The following DNMT3A variants were observed in gnomAD, a reference collection of about 807,000 sequenced individuals.
DNMT3A encodes DNA (cytosine-5)-methyltransferase 3A.
Under a neutral mutation model 117.6 loss-of-function variants are expected in DNMT3A, and 267 were observed. That is an observed-to-expected ratio of 2.27 (90% CI 2.05 to 2.51). The LOEUF is 2.51. DNMT3A is among the 30% of genes most tolerant of loss of function. DNMT3A has a pLI of 0.00. For synonymous variants in DNMT3A, 432 were observed against 474.8 expected, an observed-to-expected ratio of 0.91 and a Z score of 1.17; for missense variants, 1,029 against 1,260.2, an observed-to-expected ratio of 0.82 and a Z score of 2.78.
intron 1 of DNMT3A, among the ~76,000 whole-genome samples, chr2:25,315,530 C>T (rs1466113342): frequency 2.0e-5 from 3 of 152,224 alleles, no homozygotes; most frequent in Non-Finnish European, 4.4e-5. Flanking sequence ...GGTTTGCTGC[C>T]CGGGTCCCGA....
At position 25,247,676 on chromosome 2, in the gene DNMT3A, A is replaced by T. The variant is rs587777508; in HGVS notation, c.929T>A (p.Ile310Asn). Residue 310 changes from isoleucine to asparagine, a missense_variant, in exon 8 of 23, where the codon ATT becomes AAT. Transcript: ENST00000321117. The surrounding 1 kb of genome is among the most constrained non-coding windows in gnomAD (Gnocchi z 5.6). ...CCGGCCCGTCATCCACCAAGACACA[A>T]TGCGGCCTGGCCACCAGGAGAAGCC... ...LRGFSWWPGR[I>N]VSWWMTGRSR... 1.9e-6 allele frequency: 3 copies of T among 1,613,814 alleles called. No homozygotes were observed. Among genetic ancestry groups the T allele is most frequent in the Non-Finnish European group, 2.5e-6 (3 of 1,179,984 alleles).
intron 2 of DNMT3A, among the ~76,000 whole-genome samples, chr2:25,301,414 G>A (rs531209595): frequency 2.0e-5 from 3 of 152,278 alleles, no homozygotes; most frequent in East Asian, 1.9e-4. Flanking sequence ...CTGGCACCGC[G>A]CATGCCTGTC....
At position 25,229,123 on chromosome 2, in the gene DNMT3A, T is replaced by A. The variant is rs1019064398; in HGVS notation, c.*5156A>T. ...CCACCAAAGGCCCACCTTAGCTGGG[T>A]CTCGGAAACACAGAGGCAAGGTTCC... On this transcript the variant is annotated 3_prime_UTR_variant, in exon 23 of 23. Coordinates refer to ENST00000321117, the MANE Select transcript of DNMT3A (RefSeq NM_022552.5). 1 of 152,154 alleles carries A rather than the reference T, an allele frequency of 6.6e-6. No individual in the cohort carries two copies. The highest frequency in any genetic ancestry group is 2.4e-5 in the African/African-American group (1 of 41,396). The allele number at this position is 152,154 out of a possible 1,614,324, so 9.4% of individuals were successfully genotyped here.
At chr2:25,259,145 G>C (rs1384224602) in intron 6 of DNMT3A, among the ~76,000 whole-genome samples, 1 of 152,220 alleles carries the variant, frequency 6.6e-6, no homozygotes, top group African/African-American at 2.4e-5. Flanking sequence ...AGCTTTGGTG[G>C]CTGCCTTCCC....
At chr2:25,260,153 C>T (rs1019599021) in intron 6 of DNMT3A, among the ~76,000 whole-genome samples, 1 of 152,176 alleles carries the variant, frequency 6.6e-6, no homozygotes, top group Non-Finnish European at 1.5e-5. Flanking sequence ...TGTAGAGAGA[C>T]CCCCGCCGCC....
Position 25,257,615 on chromosome 2 carries a change from A to G in DNMT3A, c.640-9363T>C, listed in dbSNP as rs1292902832. Among the ~76,000 whole-genome samples, 2 of 152,134 alleles carry G rather than the reference A, an allele frequency of 1.3e-5. No individual in the cohort carries two copies. The highest frequency in any genetic ancestry group is 4.8e-5 in the African/African-American group (2 of 41,422). On this transcript the variant is annotated intron_variant, in intron 6 of 22. Transcript: ENST00000321117. The surrounding 1 kb of genome is among the most constrained non-coding windows in gnomAD (Gnocchi z 4.8). ...CCTGGAAGCCCGGAGAGGCCAGTCA[A>G]TCCTTAGCACAGGCAGAACTTCCTT... is the stretch of plus-strand genomic sequence containing the variant.
At chr2:25,292,107 A>T (rs2032802823) in intron 3 of DNMT3A, among the ~76,000 whole-genome samples, 1 of 152,080 alleles carries the variant, frequency 6.6e-6, no homozygotes, top group African/African-American at 2.4e-5. Flanking sequence ...ATACAAAAAA[A>T]ATGGCCTTTG....
At chr2:25,328,351 C>T (rs2034866321) in intron 1 of DNMT3A, among the ~76,000 whole-genome samples, 2 of 152,110 alleles carry the variant, frequency 1.3e-5, no homozygotes, top group African/African-American at 4.8e-5. Context: ...TGCATCATTC[C>T]AGGCCCGGCT....
In DNMT3A at chr2:25,304,463, G is replaced by T. The variant is rs2033680650; in HGVS notation, c.73-4220C>A. On this transcript the variant is annotated intron_variant, in intron 2 of 22. Coordinates refer to ENST00000321117, the MANE Select transcript of DNMT3A (RefSeq NM_022552.5). The surrounding 1 kb of genome is among the most constrained non-coding windows in gnomAD (Gnocchi z 4.3). ...CTCCCCATCCCCCTCTCCCTGCCTC[G>T]TGCAAATCCCAGCACGCCGCCCACC... Among the ~76,000 whole-genome samples, 1 of 151,942 alleles carries T rather than the reference G, an allele frequency of 6.6e-6. No individual in the cohort carries two copies. The highest frequency in any genetic ancestry group is 1.5e-5 in the Non-Finnish European group (1 of 68,002).
chr2:25,249,510 G>A, intron 6 of DNMT3A: 2 of 905,680 alleles, frequency 2.2e-6, no homozygotes, highest in Non-Finnish European at 3.5e-6. Flanking sequence ...CCTTCTATGT[G>A]CACCCTTCAG....
At position 25,282,310 on chromosome 2, in the gene DNMT3A, T is replaced by C. The variant is rs1461080710; in HGVS notation, c.448+131A>G. ...CATCCAGCCAGTAGCCTCCAGGCCATAGCCTTGGCAAGCAGACCTTTAGCC... is the reference window on the plus strand; with the variant it reads ...CATCCAGCCAGTAGCCTCCAGGCCACAGCCTTGGCAAGCAGACCTTTAGCC... On this transcript the variant is annotated intron_variant, in intron 4 of 22. Coordinates refer to ENST00000321117, the MANE Select transcript of DNMT3A (RefSeq NM_022552.5). The surrounding 1 kb of genome is among the most constrained non-coding windows in gnomAD (Gnocchi z 5.2). 6.7e-7 allele frequency: 1 copy of C among 1,487,290 alleles called. No individual in the cohort carries two copies. Among genetic ancestry groups the C allele is most frequent in the Non-Finnish European group, 9.0e-7 (1 of 1,112,858 alleles). 92.1% of individuals were successfully genotyped at this position (1,487,290 alleles called of 1,614,324 possible). A position where few individuals can be genotyped will look rare whatever the true frequency, so the allele number is the denominator to read the frequency against.
rs1261508405 is a variant in DNMT3A, at chr2:25,281,009, A to T, written c.448+1432T>A. Among the ~76,000 whole-genome samples the T allele has an allele frequency of 1.3e-5, 2 of 152,146 alleles. No homozygotes were observed. Among genetic ancestry groups the T allele is most frequent in the Admixed American group, 1.3e-4 (2 of 15,280 alleles). ...GCCCATGGGAAGCACCACATTTGGA[A>T]GGGCAGGGCTGATGGGTTCTCTCAC... On this transcript the variant is annotated intron_variant, in intron 4 of 22. Coordinates refer to ENST00000321117, the MANE Select transcript of DNMT3A (RefSeq NM_022552.5). This position sits in a 1 kb window ranked among gnomAD's most constrained non-coding sequence, Gnocchi z 4.8.
rs1558719957 is a variant in DNMT3A at position 25,298,183 on chromosome 2, G to A, written c.177+1956C>T. 6.6e-6 allele frequency among the ~76,000 whole-genome samples: 1 copy of A among 152,214 alleles called. No individual in the cohort carries two copies. The highest frequency in any genetic ancestry group is 1.5e-5 in the Non-Finnish European group (1 of 68,032). ...CAAGGTTACACAGGTGGTCAGTGGT[G>A]GAGCCAGAATTTGAACTCAGGTCTC... On this transcript the variant is annotated intron_variant, in intron 3 of 22. Coordinates refer to ENST00000321117, the MANE Select transcript of DNMT3A (RefSeq NM_022552.5). This position sits in a 1 kb window ranked among gnomAD's most constrained non-coding sequence, Gnocchi z 4.3.
intron 3 of DNMT3A, among the ~76,000 whole-genome samples, chr2:25,295,899 G>A (rs769527560): frequency 1.3e-5 from 2 of 152,222 alleles, no homozygotes; most frequent in Admixed American, 6.5e-5. Context: ...GGCAAACTCA[G>A]TGTGGCACAG....
chr2:25,275,163 A>C, intron 5 of DNMT3A, 76 bp from the exon 6 acceptor site: 2 of 1,466,816 alleles, frequency 1.4e-6, no homozygotes, highest in Non-Finnish European at 1.8e-6. Flanking sequence ...CGCCTCAAAC[A>C]CAATGTGGAC....
At chr2:25,264,222 C>T (rs973545745) in intron 6 of DNMT3A, among the ~76,000 whole-genome samples, 1 of 138,528 alleles carries the variant, frequency 7.2e-6, no homozygotes, top group Non-Finnish European at 1.5e-5. Flanking sequence ...TCACTGCAAC[C>T]TCCACCACCC....
chr2:25,281,842 T>G lies in DNMT3A; in HGVS notation c.448+599A>C. The stretch of plus-strand genomic sequence containing the variant: ...GGCCTGGGCTGGGCAGTACACAGAA[T>G]ACAATCACCCAGCCCTCTCCCCACG... On this transcript the variant is annotated intron_variant, in intron 4 of 22. Transcript: ENST00000321117. The surrounding 1 kb of genome is among the most constrained non-coding windows in gnomAD (Gnocchi z 4.8). 9.4e-7 allele frequency: 1 copy of G among 1,068,090 alleles called. No individual in the cohort carries two copies. The highest frequency in any genetic ancestry group is 4.5e-5 in the South Asian group (1 of 22,150). 66.2% of individuals were successfully genotyped at this position (1,068,090 alleles called of 1,614,324 possible). A position where few individuals can be genotyped will look rare whatever the true frequency, so the allele number is the denominator to read the frequency against.
rs150679314 is a variant in DNMT3A at position 25,271,082 on chromosome 2, T to C, written c.639+3859A>G. Among the ~76,000 whole-genome samples the C allele has an allele frequency of 4.2e-3, 635 of 151,912 alleles. 5 individuals carry two copies. The highest frequency in any genetic ancestry group is 0.014 in the African/African-American group (579 of 41,402). ...CTGATAGGCCGGGTGCAGTGATTCA[T>C]GCCTGTAATCCCAGCACTTCGGGAG... On this transcript the variant is annotated intron_variant, in intron 6 of 22. Coordinates refer to ENST00000321117, the MANE Select transcript of DNMT3A (RefSeq NM_022552.5).
Position 25,247,265 on chromosome 2 carries a change from C to T in DNMT3A, c.1015-107G>A. 1 of 1,101,456 alleles carries T rather than the reference C, an allele frequency of 9.1e-7. No individual in the cohort carries two copies. The highest frequency in any genetic ancestry group is 2.6e-5 in the East Asian group (1 of 39,000). 68.2% of individuals were successfully genotyped at this position (1,101,456 alleles called of 1,614,324 possible). ...GGAGCCTCGAGAGTCAGTCTCAGCCCTGGAGGGGACCAGATACAGTGATAA... is the reference window on the plus strand; with the variant it reads ...GGAGCCTCGAGAGTCAGTCTCAGCCTTGGAGGGGACCAGATACAGTGATAA... On this transcript the variant is annotated intron_variant, in intron 8 of 22. Coordinates refer to ENST00000321117, the MANE Select transcript of DNMT3A (RefSeq NM_022552.5). The surrounding 1 kb of genome is among the most constrained non-coding windows in gnomAD (Gnocchi z 5.6).
Sources: allele counts gnomAD v4.1 joint callset (sites outside exome capture counted in the v4.1 genomes callset), GRCh38; gene constraint gnomAD v4.1.1; non-coding constraint Gnocchi (gnomAD v3.1); transcripts MANE v1.5; gene names NCBI Gene and HGNC (gene_info 2026-07-23, HGNC 2026-07-21).